Variants in RNF213 observed in about 807,000 individuals in gnomAD.
RNF213 encodes the protein E3 ubiquitin-protein ligase RNF213.
Under a neutral mutation model 514.4 loss-of-function variants are expected in RNF213, and 341 were observed. That is an observed-to-expected ratio of 0.66 (90% CI 0.61 to 0.73). The LOEUF is 0.73. Ranked by LOEUF, RNF213 falls within the 30% of genes least tolerant of loss-of-function variation. The pLI, the probability that RNF213 is intolerant of heterozygous loss-of-function variation, is 0.00. For synonymous variants in RNF213, 2,655 were observed against 2,658.2 expected (o/e 1.00, Z 0.04); for missense variants, 5,767 against 6,615.6 (o/e 0.87, Z 4.45).
intron 17 of RNF213, chr17:80,319,775 G>A: frequency 7.9e-7 from 1 of 1,262,996 alleles, no homozygotes; most frequent in Non-Finnish European, 1.0e-6. Context: ...GGAAGAGATT[G>A]TGCCCCCCTG....
chr17:80,391,775 T>C (rs1000861401), intron 67 of RNF213, among the ~76,000 whole-genome samples: 109 of 135,574 alleles, frequency 8.0e-4, no homozygotes, highest in African/African-American at 3.0e-3. Flanking sequence ...TTTTTTTTTT[T>C]TTTTTTTTTT....
At chr17:80,281,952 G>A (rs2044318817) in intron 3 of RNF213, among the ~76,000 whole-genome samples, 1 of 152,126 alleles carries the variant, frequency 6.6e-6, no homozygotes, top group Non-Finnish European at 1.5e-5. Context: ...CGCCTCCTGG[G>A]TTCAAGCGAG....
At chr17:80,293,899 A>G (rs548846802) in intron 8 of RNF213, among the ~76,000 whole-genome samples, 11 of 151,394 alleles carry the variant, frequency 7.3e-5, no homozygotes, top group African/African-American at 2.7e-4. Context: ...GTGATGACCG[A>G]GTTGAGAACT....
chr17:80,353,389 C>T lies in RNF213; in HGVS notation c.10424-123C>T. 8.7e-7 allele frequency: 1 copy of T among 1,154,366 alleles called. No homozygotes were observed. Among genetic ancestry groups the T allele is most frequent in the Admixed American group, 2.0e-5 (1 of 50,466 alleles). The allele number at this position is 1,154,366 out of a possible 1,614,324, so 71.5% of individuals were successfully genotyped here. A position where few individuals can be genotyped will look rare whatever the true frequency, so the allele number is the denominator to read the frequency against. On this transcript the variant is annotated intron_variant, in intron 33 of 67. Coordinates refer to ENST00000582970, the MANE Select transcript of RNF213 (RefSeq NM_001256071.3). This position sits in a 1 kb window ranked among gnomAD's most constrained non-coding sequence, Gnocchi z 5.0. Reference sequence around the variant, plus strand: ...TGATCTCTCATCTGGGGACCTAGCACCACAGCAGGGGCCGGGGAAGCCTGC... The same window carrying T: ...TGATCTCTCATCTGGGGACCTAGCATCACAGCAGGGGCCGGGGAAGCCTGC...
In RNF213 at chr17:80,339,284, C is replaced by G. The variant is rs1197596709; in HGVS notation, c.4917C>G (p.Ala1639=). The G allele has an allele frequency of 2.0e-6, 3 of 1,535,864 alleles. No homozygotes were observed. Among genetic ancestry groups the G allele is most frequent in the Admixed American group, 2.0e-5 (1 of 50,974 alleles). The change falls in exon 26 of 68, where the codon GCC becomes GCG. Residue 1639 remains alanine, a synonymous_variant. Transcript: ENST00000582970. ...ATATGCTGTTCAGGACGTGGATCGCCATGGCCTACTGCTCCCCCAAGCAGG... is the reference window on the plus strand; with the variant it reads ...ATATGCTGTTCAGGACGTGGATCGCGATGGCCTACTGCTCCCCCAAGCAGG... The part of the protein sequence containing the change: ...AGNMLFRTWI[A]MAYCSPKQGV...
intron 2 of RNF213, among the ~76,000 whole-genome samples, chr17:80,265,367 A>G (rs764766249): frequency 2.6e-5 from 4 of 152,104 alleles, no homozygotes; most frequent in Non-Finnish European, 5.9e-5. Flanking sequence ...ACTTCTATTA[A>G]TAATAGTGCG....
chr17:80,281,520 C>CAT (rs2044286191), intron 3 of RNF213, among the ~76,000 whole-genome samples: 1 of 122,018 alleles, frequency 8.2e-6, no homozygotes, highest in Non-Finnish European at 1.8e-5. Context: ...CACCCCAACA[C>CAT]ACACATGCCC....
At position 80,298,518 on chromosome 17, in the gene RNF213, C is replaced by T. The variant is rs200832992; in HGVS notation, c.2210C>T (p.Thr737Met). The change falls in exon 11 of 68, where the codon ACG becomes ATG. Residue 737 changes from threonine to methionine, a missense_variant and splice_region_variant. Thr to Met is a moderately conservative substitution (Grantham distance 81). Around this residue, in one of 13 missense-constraint regions of RNF213, gnomAD observed 592 missense variants for 673.9 expected, o/e 0.88. Transcript: ENST00000582970. ...CCGTTCCGGGAACAAATGCTAGATACGTAAGTCGTAGAGTTGTGCTTATCT... is the reference window on the plus strand; with the variant it reads ...CCGTTCCGGGAACAAATGCTAGATATGTAAGTCGTAGAGTTGTGCTTATCT... ...FSPFREQMLD[T>M]SSLLQFMREK... 3.0e-5 allele frequency: 48 copies of T among 1,614,104 alleles called. No homozygotes were observed. The Admixed American group carries it at 3.3e-4, about 11-fold the overall frequency.
chr17:80,265,063 G>C lies in RNF213; in HGVS notation c.97+1285G>C, dbSNP rs560507994. Among the ~76,000 whole-genome samples the C allele has an allele frequency of 2.9e-5, 3 of 104,534 alleles. No individual in the cohort carries two copies. In the South Asian group the frequency reaches 8.9e-4, roughly 31 times the overall value. 68.6% of individuals were successfully genotyped at this position (104,534 alleles called of 152,430 possible). On this transcript the variant is annotated intron_variant, in intron 2 of 67. Transcript: ENST00000582970. Reference sequence around the variant, plus strand: ...TTGTTTGTTTTTTTTTTTTTTTTTAGAGGGAGTTTTTTTGTTCTTGTTGCT... The same window carrying C: ...TTGTTTGTTTTTTTTTTTTTTTTTACAGGGAGTTTTTTTGTTCTTGTTGCT...
intron 36 of RNF213, chr17:80,354,855 T>C (rs1404651081): frequency 2.1e-6 from 1 of 476,896 alleles, no homozygotes; most frequent in African/African-American, 2.0e-5. Flanking sequence ...AGTAGAACAT[T>C]TACCGACATT....
intron 15 of RNF213, chr17:80,316,415 G>A (rs2045950515): frequency 6.6e-6 from 1 of 152,402 alleles, no homozygotes; most frequent in African/African-American, 2.4e-5. Flanking sequence ...CTGTCAACAT[G>A]TTAAAAGAAA....
intron 31 of RNF213, among the ~76,000 whole-genome samples, chr17:80,351,381 C>T (rs772443163): frequency 1.7e-4 from 26 of 152,198 alleles, no homozygotes; most frequent in Non-Finnish European, 3.2e-4. Flanking sequence ...GGGGCAGGCC[C>T]ATTGAGGAGC....
rs950225836 is a variant in RNF213, at chr17:80,264,160, T to C, written c.97+382T>C. On this transcript the variant is annotated intron_variant, in intron 2 of 67. Coordinates refer to ENST00000582970, the MANE Select transcript of RNF213 (RefSeq NM_001256071.3). This position sits in a 1 kb window ranked among gnomAD's most constrained non-coding sequence, Gnocchi z 5.0. ...CTGCTTTTGAAAATTTTCAGTTTCA[T>C]TTCCTAGAGAGAGCTCACGGTTTTT... 2.6e-5 allele frequency among the ~76,000 whole-genome samples: 4 copies of C among 152,184 alleles called. No homozygotes were observed. Among genetic ancestry groups the C allele is most frequent in the Non-Finnish European group, 5.9e-5 (4 of 68,032 alleles).
Position 80,263,772 on chromosome 17 carries a change from A to G in RNF213, c.91A>G (p.Ile31Val), listed in dbSNP as rs1332140710. Residue 31 changes from isoleucine (I) to valine (V), a missense_variant, in exon 2 of 68, where the codon ATA becomes GTA. By Grantham distance (29) the Ile-to-Val change is conservative. This residue lies in a region of RNF213 where 509 missense variants were observed against 496.7 expected (regional missense o/e 1.02). Coordinates refer to ENST00000582970, the MANE Select transcript of RNF213 (RefSeq NM_001256071.3). This position sits in a 1 kb window ranked among gnomAD's most constrained non-coding sequence, Gnocchi z 4.9. ...CGERLPPAAP[I>V]ADSENNNSTM... is the part of the protein sequence containing the mutation. ...AGAGAGGCTGCCTCCTGCAGCCCCCATAGCAGGTGAGGCCCAGGGGTGCTG... is the reference window on the plus strand; with the variant it reads ...AGAGAGGCTGCCTCCTGCAGCCCCCGTAGCAGGTGAGGCCCAGGGGTGCTG... The G allele has an allele frequency of 5.9e-5, 96 of 1,613,674 alleles. No homozygotes were observed. The highest frequency in any genetic ancestry group is 8.1e-5 in the Non-Finnish European group (95 of 1,179,780).
intron 3 of RNF213, among the ~76,000 whole-genome samples, chr17:80,275,115 G>A (rs1436134195): frequency 4.2e-5 from 6 of 141,640 alleles, no homozygotes; most frequent in Admixed American, 3.5e-4. Flanking sequence ...GGGTGTGTGC[G>A]TGTTGGGTGT....
Position 80,353,372 on chromosome 17 carries a change from C to T in RNF213, c.10424-140C>T. On this transcript the variant is annotated intron_variant, in intron 33 of 67. Transcript: ENST00000582970. This position sits in a 1 kb window ranked among gnomAD's most constrained non-coding sequence, Gnocchi z 5.0. ...GCTGATCTTCATGACCGTGATCTCT[C>T]ATCTGGGGACCTAGCACCACAGCAG... is the stretch of plus-strand genomic sequence containing the variant. 1.0e-6 allele frequency: 1 copy of T among 996,308 alleles called. No homozygotes were observed. The highest frequency in any genetic ancestry group is 1.5e-6 in the Non-Finnish European group (1 of 651,576). The allele number at this position is 996,308 out of a possible 1,614,324, so 61.7% of individuals were successfully genotyped here. A position where few individuals can be genotyped will look rare whatever the true frequency, so the allele number is the denominator to read the frequency against.
intron 40 of RNF213, 105 bp from the exon 41 acceptor site, chr17:80,363,504 G>A: frequency 7.2e-7 from 1 of 1,385,592 alleles, no homozygotes; most frequent in Non-Finnish European, 1.0e-6. Context: ...GAAAGTTTAG[G>A]TCGCAAGCCT....
At chr17:80,376,658 TCTGC>T in intron 52 of RNF213, 115 bp downstream of exon 52, 1 of 1,441,474 alleles carries the variant, frequency 6.9e-7, no homozygotes. Context: ...TCCTCAGTTC[TCTGC>T]CTTTGTGTCA....
chr17:80,383,798 G>T lies in RNF213; in HGVS notation c.14192G>T (p.Arg4731Leu), dbSNP rs758730525. The T allele has an allele frequency of 6.2e-7, 1 of 1,613,994 alleles. No homozygotes were observed. The highest frequency in any genetic ancestry group is 1.3e-5 in the African/African-American group (1 of 74,890). The change falls in exon 59 of 68, where the codon CGG becomes CTG. Residue 4731 changes from arginine to leucine, a missense_variant. Physicochemically the swap from Arg to Leu is moderately radical, Grantham distance 102. This residue lies in a region of RNF213 where 1,245 missense variants were observed against 1,339.0 expected (regional missense o/e 0.93). Transcript: ENST00000582970. ...GTGACCTTCCTGCCCCACCTGCCCCGGAAAAGTGTGGTCCATTGCTCTAAG... is the reference window on the plus strand; with the variant it reads ...GTGACCTTCCTGCCCCACCTGCCCCTGAAAAGTGTGGTCCATTGCTCTAAG... ...DPVTFLPHLP[R>L]KSVVHCSKIW...
Sources: allele counts gnomAD v4.1 joint callset (sites outside exome capture counted in the v4.1 genomes callset), GRCh38; gene constraint gnomAD v4.1.1; regional missense constraint gnomAD v4.1.1; non-coding constraint Gnocchi (gnomAD v3.1); transcripts MANE v1.5; gene names NCBI Gene and HGNC (gene_info 2026-07-23, HGNC 2026-07-21).